Variants in THSD7B observed in about 807,000 individuals in gnomAD.
THSD7B encodes the protein thrombospondin type-1 domain-containing protein 7B.
THSD7B carries 138 observed loss-of-function variants against 213.6 expected under a neutral mutation model. That is an observed-to-expected ratio of 0.65 (90% CI 0.56 to 0.74). The LOEUF (loss-of-function observed/expected upper bound fraction) is 0.74, where lower values mean the gene tolerates loss of function less well. THSD7B is among the 30% of genes least tolerant of loss of function. The pLI is 0.00. For missense variants in THSD7B, 1,931 were observed against 1,991.5 expected, an observed-to-expected ratio of 0.97 and a Z score of 0.58; for synonymous variants, 742 against 687.0, an observed-to-expected ratio of 1.08 and a Z score of -1.25.
intron 14 of THSD7B, among the ~76,000 whole-genome samples, chr2:137,448,398 C>T (rs1216443425): frequency 3.3e-5 from 5 of 152,050 alleles, no homozygotes; most frequent in Non-Finnish European, 7.4e-5. Context: ...CGAGCAAAGG[C>T]TCGTGGAGAA....
chr2:137,659,296 T>C (rs986852835), intron 24 of THSD7B, among the ~76,000 whole-genome samples: 4 of 152,182 alleles, frequency 2.6e-5, no homozygotes, highest in Non-Finnish European at 5.9e-5. Flanking sequence ...AAGCAGTATA[T>C]ATGTAGAAGG....
intron 2 of THSD7B, among the ~76,000 whole-genome samples, chr2:137,020,589 G>A (rs1573771170): frequency 1.3e-5 from 2 of 152,214 alleles, no homozygotes; most frequent in East Asian, 3.9e-4. Context: ...AGTTATGGCA[G>A]AGAGGAGAAA....
At chr2:136,797,244 G>A (rs1682086603) in intron 1 of THSD7B, among the ~76,000 whole-genome samples, 1 of 151,912 alleles carries the variant, frequency 6.6e-6, no homozygotes, top group African/African-American at 2.4e-5. Context: ...GGTTGGTTTA[G>A]ATAACCATCA....
intron 21 of THSD7B, among the ~76,000 whole-genome samples, chr2:137,652,334 T>C (rs1364040400): frequency 6.6e-6 from 1 of 152,120 alleles, no homozygotes; most frequent in Non-Finnish European, 1.5e-5. Context: ...CAGTCTCTGA[T>C]TTGTAGACTA....
chr2:136,917,757 G>A (rs995589324), intron 2 of THSD7B, among the ~76,000 whole-genome samples: 2 of 152,290 alleles, frequency 1.3e-5, no homozygotes, highest in South Asian at 2.1e-4. Context: ...TCACCCTGGA[G>A]GACTCTTTAT....
intron 6 of THSD7B, among the ~76,000 whole-genome samples, chr2:137,163,657 T>G (rs1257078697): frequency 6.6e-6 from 1 of 152,206 alleles, no homozygotes; most frequent in Non-Finnish European, 1.5e-5. Flanking sequence ...ATTTCAGGCT[T>G]CCAGCCTGCA....
intron 12 of THSD7B, among the ~76,000 whole-genome samples, chr2:137,323,966 A>G (rs1684314459): frequency 6.6e-6 from 1 of 152,148 alleles, no homozygotes; most frequent in Non-Finnish European, 1.5e-5. Context: ...TTGAAAGTGA[A>G]TTTTAAATAG....
chr2:137,373,735 GC>G (rs768364336), intron 12 of THSD7B, among the ~76,000 whole-genome samples: 2 of 152,144 alleles, frequency 1.3e-5, no homozygotes, highest in Non-Finnish European at 2.9e-5. Flanking sequence ...GGCTTTTGTT[GC>G]CATTGCTTTT....
At chr2:137,610,786 T>C (rs1384741839) in intron 17 of THSD7B, among the ~76,000 whole-genome samples, 2 of 152,036 alleles carry the variant, frequency 1.3e-5, no homozygotes, top group Non-Finnish European at 2.9e-5. Flanking sequence ...AGATGTCATA[T>C]AATTGAAAGC....
chr2:137,270,252 T>TC lies in THSD7B; in HGVS notation c.2267-2275dup, dbSNP rs896468546. 2.2e-4 allele frequency among the ~76,000 whole-genome samples: 33 copies of TC among 151,844 alleles called. 1 individual carries two copies. Among genetic ancestry groups the TC allele is most frequent in the Non-Finnish European group, 4.4e-5 (3 of 67,952 alleles). ...TTTTTCTTTTCTTTTGTGTGTCCCA[T>TC]CCCCCCATTCACAAAGCCCAAACAG... On this transcript the variant is annotated intron_variant, in intron 10 of 27. Coordinates refer to ENST00000409968, the MANE Select transcript of THSD7B (RefSeq NM_001316349.2).
At chr2:137,301,264 C>T (rs1377440) in intron 12 of THSD7B, among the ~76,000 whole-genome samples, 9,372 of 152,024 alleles carry the variant, frequency 0.062, 542 homozygotes, top group African/African-American at 0.14. Context: ...TGGACCTCAT[C>T]GGCTTGCAGT....
At chr2:137,182,582 T>C (rs1332982285) in intron 7 of THSD7B, among the ~76,000 whole-genome samples, 5 of 152,204 alleles carry the variant, frequency 3.3e-5, no homozygotes, top group African/African-American at 1.2e-4. Context: ...TTCCGCATCC[T>C]GTATGAGAAT....
chr2:137,635,198 T>G (rs932990238), intron 20 of THSD7B, among the ~76,000 whole-genome samples: 1 of 152,216 alleles, frequency 6.6e-6, no homozygotes, highest in Non-Finnish European at 1.5e-5. Flanking sequence ...AGTGTCTTTC[T>G]CTGTTTTGTA....
At chr2:136,811,524 A>G (rs1317277281) in intron 1 of THSD7B, among the ~76,000 whole-genome samples, 2 of 152,064 alleles carry the variant, frequency 1.3e-5, no homozygotes, top group Admixed American at 6.5e-5. Flanking sequence ...ATAATTATTT[A>G]TTTATCATGA....
chr2:137,552,203 T>G (rs1680862948), intron 15 of THSD7B, among the ~76,000 whole-genome samples: 1 of 152,066 alleles, frequency 6.6e-6, no homozygotes, highest in Non-Finnish European at 1.5e-5. Flanking sequence ...TTTTGTGGCT[T>G]TTTTTTTCTA....
At chr2:137,447,095 A>G (rs1687556071) in intron 14 of THSD7B, among the ~76,000 whole-genome samples, 3 of 152,156 alleles carry the variant, frequency 2.0e-5, no homozygotes, top group Non-Finnish European at 2.9e-5. Context: ...CCTGAAAAAT[A>G]AATGTCACTG....
chr2:137,605,648 CTTTTTTTT>C (rs34604281), intron 17 of THSD7B, among the ~76,000 whole-genome samples: 26 of 68,990 alleles, frequency 3.8e-4, no homozygotes, highest in Non-Finnish European at 6.3e-4. Context: ...GCACTTCGCA[CTTTTTTTT>C]TTTTTTTTTT....
At chr2:137,435,842 G>T (rs1274824020) in intron 14 of THSD7B, among the ~76,000 whole-genome samples, 1 of 152,078 alleles carries the variant, frequency 6.6e-6, no homozygotes, top group East Asian at 1.9e-4. Flanking sequence ...CTCACTGTAG[G>T]ATTCTGTTGT....
At chr2:137,557,292 G>C (rs1281415651) in intron 15 of THSD7B, among the ~76,000 whole-genome samples, 1 of 152,162 alleles carries the variant, frequency 6.6e-6, no homozygotes, top group Non-Finnish European at 1.5e-5. Context: ...ATAGTTGAAA[G>C]TGAAGCACTC....
Sources: gnomAD v4.1 joint callset for allele counts (sites outside exome capture counted in the v4.1 genomes callset) on GRCh38, gnomAD v4.1.1 for gene constraint, MANE v1.5 for transcripts, NCBI Gene and HGNC (gene_info 2026-07-23, HGNC 2026-07-21) for gene names.